Variants in DCLK1 observed in about 807,000 individuals in gnomAD.
DCLK1 encodes the protein serine/threonine-protein kinase DCLK1.
Under a neutral mutation model 86.2 loss-of-function variants are expected in DCLK1, and 16 were observed. That is an observed-to-expected ratio of 0.19 (90% CI 0.13 to 0.28). DCLK1 has a LOEUF of 0.28. DCLK1 is among the 10% of genes least tolerant of loss of function. The pLI is 1.00. For synonymous variants in DCLK1, 369 were observed against 370.5 expected (o/e 1.00, Z 0.05); for missense variants, 590 against 940.2 (o/e 0.63, Z 4.87).
Position 36,131,124 on chromosome 13 carries a change from A to G in DCLK1, c.-30T>C, listed in dbSNP as rs1222040209. The G allele has an allele frequency of 6.6e-6, 1 of 151,136 alleles. No individual in the cohort carries two copies. The highest frequency in any genetic ancestry group is 1.5e-5 in the Non-Finnish European group (1 of 67,528). 9.4% of individuals were successfully genotyped at this position (151,136 alleles called of 1,614,324 possible). A position where few individuals can be genotyped will look rare whatever the true frequency, so the allele number is the denominator to read the frequency against. On this transcript the variant is annotated 5_prime_UTR_variant, in exon 1 of 17. Transcript: ENST00000360631. ...AGGCAAACCACGCACCGGTCCGCGG[A>G]GAGACGCCGCCGGGGGTCTTTGTGG...
intron 3 of DCLK1, among the ~76,000 whole-genome samples, chr13:35,958,136 A>AACCATCACCACCATCACTGCTATAATC (rs1555352812): frequency 8.9e-5 from 1 of 11,286 alleles, no homozygotes; most frequent in African/African-American, 4.5e-4. Flanking sequence ...CCACTACTAT[A>AACCATCACCACCATCACTGCTATAATC]ACCACCACCA....
In DCLK1 at chr13:35,847,829, A is replaced by T. The variant is rs919575507; in HGVS notation, c.1035+6670T>A. ...AATATATGCGCACAGGGATGTATACAGATGAGAGAACCTGACACTTCTTAA... is the reference window on the plus strand; with the variant it reads ...AATATATGCGCACAGGGATGTATACTGATGAGAGAACCTGACACTTCTTAA... On this transcript the variant is annotated intron_variant, in intron 6 of 16. Transcript: ENST00000360631. The T allele has an allele frequency of 1.0e-5, 10 of 985,178 alleles. No homozygotes were observed. In the South Asian group the frequency reaches 4.2e-4, roughly 42 times the overall value. The allele number at this position is 985,178 out of a possible 1,614,324, so 61.0% of individuals were successfully genotyped here. A position where few individuals can be genotyped will look rare whatever the true frequency, so the allele number is the denominator to read the frequency against.
intron 4 of DCLK1, among the ~76,000 whole-genome samples, chr13:35,872,048 T>C (rs1481575134): frequency 2.0e-5 from 3 of 152,256 alleles, no homozygotes; most frequent in African/African-American, 7.2e-5. Context: ...TATTCAATGC[T>C]GAACATCTTA....
intron 4 of DCLK1, among the ~76,000 whole-genome samples, chr13:35,872,165 C>A (rs1021365606): frequency 6.6e-6 from 1 of 151,852 alleles, no homozygotes; most frequent in African/African-American, 2.4e-5. Context: ...TAATAATTAA[C>A]AAAAAAATAT....
At chr13:35,985,709 A>C (rs1050709919) in intron 3 of DCLK1, among the ~76,000 whole-genome samples, 19 of 152,254 alleles carry the variant, frequency 1.2e-4, no homozygotes, top group African/African-American at 4.6e-4. Context: ...CTCAGGAGAG[A>C]CTGGCTGGGG....
At position 35,772,966 on chromosome 13, in the gene DCLK1, T is replaced by C. The variant is rs1318352535; in HGVS notation, c.*1569A>G. ...TCAAAACAGAGAACATAGGTACTGT[T>C]CAGCCACCAGATGCAAATTTCATGA... On this transcript the variant is annotated 3_prime_UTR_variant, in exon 17 of 17. Coordinates refer to ENST00000360631, the MANE Select transcript of DCLK1 (RefSeq NM_001330071.2). 6.6e-6 allele frequency: 1 copy of C among 152,226 alleles called. No individual in the cohort carries two copies. The highest frequency in any genetic ancestry group is 2.4e-5 in the African/African-American group (1 of 41,456). The allele number at this position is 152,226 out of a possible 1,614,324, so 9.4% of individuals were successfully genotyped here.
chr13:35,813,728 C>G (rs1387960852), intron 11 of DCLK1, among the ~76,000 whole-genome samples: 1 of 137,822 alleles, frequency 7.3e-6, no homozygotes, highest in African/African-American at 2.7e-5. Flanking sequence ...TGCCCCGCCC[C>G]GCTTTTTTTT....
chr13:36,017,924 T>A (rs1389315183), intron 3 of DCLK1, among the ~76,000 whole-genome samples: 1 of 152,188 alleles, frequency 6.6e-6, no homozygotes, highest in Non-Finnish European at 1.5e-5. Flanking sequence ...TAGAGCCATC[T>A]GTGGCGAGAA....
At chr13:36,025,959 T>C (rs1429301270) in intron 3 of DCLK1, among the ~76,000 whole-genome samples, 1 of 152,112 alleles carries the variant, frequency 6.6e-6, no homozygotes, top group Non-Finnish European at 1.5e-5. Context: ...TCTAGGATGG[T>C]CATGGTGGGG....
chr13:35,928,262 C>T (rs960797594), intron 4 of DCLK1, among the ~76,000 whole-genome samples: 1 of 152,042 alleles, frequency 6.6e-6, no homozygotes, highest in East Asian at 1.9e-4. Flanking sequence ...AAGTCTGGGC[C>T]GACTCCTGGT....
intron 4 of DCLK1, among the ~76,000 whole-genome samples, chr13:35,905,598 G>A (rs1874645616): frequency 6.6e-6 from 1 of 152,194 alleles, no homozygotes; most frequent in African/African-American, 2.4e-5. Context: ...AACCCCGAGG[G>A]CCACCTCTGA....
chr13:35,779,861 G>A (rs2086492644), intron 16 of DCLK1, among the ~76,000 whole-genome samples: 1 of 151,948 alleles, frequency 6.6e-6, no homozygotes, highest in South Asian at 2.1e-4. Context: ...GAATTCTGTA[G>A]CCCATATATG....
At chr13:35,937,198 C>A (rs866882942) in intron 4 of DCLK1, among the ~76,000 whole-genome samples, 1 of 151,556 alleles carries the variant, frequency 6.6e-6, no homozygotes, top group Middle Eastern at 3.2e-3. Flanking sequence ...TGGTCTCGAT[C>A]TCCTGACCTC....
At chr13:35,953,044 T>C (rs1354718782) in intron 3 of DCLK1, among the ~76,000 whole-genome samples, 1 of 152,190 alleles carries the variant, frequency 6.6e-6, no homozygotes, top group Non-Finnish European at 1.5e-5. Context: ...AATTATATGA[T>C]AAAGATAAAA....
chr13:35,850,784 A>G, intron 6 of DCLK1: 1 of 1,592,054 alleles, frequency 6.3e-7, no homozygotes. Flanking sequence ...GTCCTGCAAG[A>G]TGAAGGGCAG....
intron 3 of DCLK1, among the ~76,000 whole-genome samples, chr13:36,109,911 A>T (rs75432640): frequency 0.027 from 4,159 of 152,282 alleles, 46 homozygotes; most frequent in South Asian, 0.057. Flanking sequence ...TATTGTAGGG[A>T]TTTATTCCTG....
intron 3 of DCLK1, among the ~76,000 whole-genome samples, chr13:36,055,055 A>G (rs377019204): frequency 2.2e-4 from 34 of 152,244 alleles, no homozygotes; most frequent in African/African-American, 7.7e-4. Context: ...ACAGCAAGAG[A>G]CAGATTTCAC....
intron 4 of DCLK1, among the ~76,000 whole-genome samples, chr13:35,927,609 G>C (rs1037936136): frequency 6.6e-6 from 1 of 152,158 alleles, no homozygotes; most frequent in South Asian, 2.1e-4. Context: ...ACATGTGTCT[G>C]GTTTTCTTCC....
At chr13:35,921,117 G>C (rs1875776423) in intron 4 of DCLK1, among the ~76,000 whole-genome samples, 1 of 152,166 alleles carries the variant, frequency 6.6e-6, no homozygotes, top group African/African-American at 2.4e-5. Flanking sequence ...TTTTGAAAAT[G>C]CAAGTCAGAT....
Sources: allele counts gnomAD v4.1 joint callset (sites outside exome capture counted in the v4.1 genomes callset), GRCh38; gene constraint gnomAD v4.1.1; transcripts MANE v1.5; gene names NCBI Gene and HGNC (gene_info 2026-07-23, HGNC 2026-07-21).